Variants in CTCFL observed in about 807,000 individuals in gnomAD.
CTCFL encodes CCCTC-binding factor like.
In CTCFL, 36 loss-of-function variants were observed where a neutral mutation model predicts 67.4. The ratio of observed to expected loss-of-function variants is 0.53; its 90% CI spans 0.41 to 0.71. The LOEUF is 0.71. CTCFL is among the 30% of genes least tolerant of loss of function. The pLI, the probability that CTCFL is intolerant of heterozygous loss-of-function variation, is 0.00. For missense variants in CTCFL, 786 were observed against 835.2 expected (o/e 0.94, Z 0.73); for synonymous variants, 324 against 302.3 (o/e 1.07, Z -0.75).
chr20:57,524,084 T>C lies in CTCFL; in HGVS notation c.122A>G (p.His41Arg). The change falls in exon 2 of 11, where the codon CAT becomes CGT. Residue 41 changes from histidine to arginine, a missense_variant. By Grantham distance (29) the His-to-Arg change is conservative. This residue lies in a region of CTCFL where 333 missense variants were observed against 304.6 expected (regional missense o/e 1.09). Coordinates refer to ENST00000243914, the MANE Select transcript of CTCFL (RefSeq NM_001386993.1). ...GGCCTCCAACTCACTAGGGCTCCGA[T>C]GGTCTTTCTCTCTGCACACTCCGTC... ...EKDGVCREKD[H>R]RSPSELEAER... 6.2e-7 allele frequency: 1 copy of C among 1,613,728 alleles called. No homozygotes were observed. The highest frequency in any genetic ancestry group is 8.5e-7 in the Non-Finnish European group (1 of 1,179,984).
In CTCFL at chr20:57,508,640, T is replaced by C. The variant is rs771502445; in HGVS notation, c.1640A>G (p.Lys547Arg). The change falls in exon 9 of 11, where the codon AAA (lysine) becomes AGA (arginine). Residue 547 changes from lysine (K) to arginine (R), a missense_variant. Around this residue, in one of 3 missense-constraint regions of CTCFL, gnomAD observed 199 missense variants for 196.7 expected, o/e 1.01. Transcript: ENST00000243914. Reference protein sequence around the residue: ...HDANFIPTVYKCSKCGKGFSR... With the variant: ...HDANFIPTVYRCSKCGKGFSR... ...AAAGCCTTTGCCACACTTGGAGCAT[T>C]TGTAAACAGTCGGGATGAAATTTGC... The C allele has an allele frequency of 3.7e-6, 6 of 1,614,148 alleles. No homozygotes were observed. In the South Asian group the frequency reaches 4.4e-5, roughly 12 times the overall value.
intron 9 of CTCFL, 52 bp from the exon 10 acceptor site, chr20:57,503,653 C>A: frequency 6.3e-7 from 1 of 1,583,778 alleles, no homozygotes; most frequent in South Asian, 1.1e-5. Flanking sequence ...GGGGCAGGGA[C>A]CCCTCTCAGG....
At position 57,497,805 on chromosome 20, in the gene CTCFL, C is replaced by T. The variant is rs2067747041; in HGVS notation, c.*745G>A. 1.0e-6 allele frequency: 1 copy of T among 985,016 alleles called. No individual in the cohort carries two copies. Among genetic ancestry groups the T allele is most frequent in the South Asian group, 4.7e-5 (1 of 21,290 alleles). 61.0% of individuals were successfully genotyped at this position (985,016 alleles called of 1,614,324 possible). On this transcript the variant is annotated 3_prime_UTR_variant, in exon 11 of 11. Coordinates refer to ENST00000243914, the MANE Select transcript of CTCFL (RefSeq NM_001386993.1). Reference sequence around the variant, plus strand: ...ACTAATAAGCAATAATGGAATGTAACCAGGGCAATTTCATACCTGCCAAGG... The same window carrying T: ...ACTAATAAGCAATAATGGAATGTAATCAGGGCAATTTCATACCTGCCAAGG...
chr20:57,515,438 C>G (rs971886165), intron 6 of CTCFL: 4 of 387,336 alleles, frequency 1.0e-5, no homozygotes, highest in South Asian at 4.8e-5. Flanking sequence ...AGCCACCATG[C>G]CTGGCCAGGA....
chr20:57,513,148 A>G (rs1197394427), intron 7 of CTCFL: 12 of 640,414 alleles, frequency 1.9e-5, no homozygotes, highest in Non-Finnish European at 2.1e-5. Flanking sequence ...CATTGAACAA[A>G]GCACTTTGAG....
Position 57,498,018 on chromosome 20 carries a change from A to G in CTCFL, c.*532T>C. On this transcript the variant is annotated 3_prime_UTR_variant, in exon 11 of 11. Coordinates refer to ENST00000243914, the MANE Select transcript of CTCFL (RefSeq NM_001386993.1). ...ATTAAAAGCATTATGGTAGCTTTAA[A>G]TTTTGTAGAAAATTCATTTGTATAA... 6.6e-6 allele frequency: 6 copies of G among 909,872 alleles called. No homozygotes were observed. Among genetic ancestry groups the G allele is most frequent in the Non-Finnish European group, 7.9e-6 (6 of 761,186 alleles). 56.4% of individuals were successfully genotyped at this position (909,872 alleles called of 1,614,324 possible).
At chr20:57,511,148 C>G (rs2068524589) in intron 8 of CTCFL, among the ~76,000 whole-genome samples, 1 of 152,110 alleles carries the variant, frequency 6.6e-6, no homozygotes, top group Non-Finnish European at 1.5e-5. Flanking sequence ...CTTAAGTGAT[C>G]CTCCAACCTT....
At chr20:57,503,682 G>A (rs761214740) in intron 9 of CTCFL, 81 bp from the exon 10 acceptor site, 22 of 1,464,396 alleles carry the variant, frequency 1.5e-5, no homozygotes, top group East Asian at 4.6e-5. Context: ...GGGACCCCAC[G>A]CATGGAAAGA....
At chr20:57,507,961 G>C (rs530823247) in intron 9 of CTCFL, 3 of 655,804 alleles carry the variant, frequency 4.6e-6, no homozygotes, top group South Asian at 3.4e-5. Flanking sequence ...AGTTATTTTA[G>C]AGACAGGGTC....
At chr20:57,522,681 C>T (rs868369810) in intron 3 of CTCFL, among the ~76,000 whole-genome samples, 1 of 152,138 alleles carries the variant, frequency 6.6e-6, no homozygotes, top group Non-Finnish European at 1.5e-5. Context: ...TAGAAGGCAC[C>T]CTCTACGGCT....
In CTCFL at chr20:57,497,630, C is replaced by T. The variant is rs2067742577; in HGVS notation, c.*920G>A. On this transcript the variant is annotated 3_prime_UTR_variant, in exon 11 of 11. Transcript: ENST00000243914. ...CTTGTCAACTGGCAAAAGGGAAATACTCACTAATCACTGGGCATTATGAAA... is the reference window on the plus strand; with the variant it reads ...CTTGTCAACTGGCAAAAGGGAAATATTCACTAATCACTGGGCATTATGAAA... The T allele has an allele frequency of 4.1e-6, 4 of 985,198 alleles. No homozygotes were observed. In the African/African-American group the frequency reaches 5.2e-5, roughly 13 times the overall value. 61.0% of individuals were successfully genotyped at this position (985,198 alleles called of 1,614,324 possible).
At chr20:57,505,681 T>C (rs539502862) in intron 9 of CTCFL, among the ~76,000 whole-genome samples, 5 of 152,334 alleles carry the variant, frequency 3.3e-5, no homozygotes, top group African/African-American at 1.2e-4. Flanking sequence ...ACTTTTCTGT[T>C]AGCTACTCTC....
chr20:57,518,548 T>C (rs2069096480), intron 5 of CTCFL: 3 of 1,413,906 alleles, frequency 2.1e-6, no homozygotes, highest in Non-Finnish European at 1.9e-6. Context: ...TTACATATTA[T>C]TTTCACTAAT....
Position 57,497,710 on chromosome 20 carries a change from T to G in CTCFL, c.*840A>C. On this transcript the variant is annotated 3_prime_UTR_variant, in exon 11 of 11. Coordinates refer to ENST00000243914, the MANE Select transcript of CTCFL (RefSeq NM_001386993.1). ...GCCTTATCTGATTTTATGTTTCTTCTCACTCTGCCAATTATTTTACAAATA... is the reference window on the plus strand; with the variant it reads ...GCCTTATCTGATTTTATGTTTCTTCGCACTCTGCCAATTATTTTACAAATA... 1.0e-6 allele frequency: 1 copy of G among 985,340 alleles called. No homozygotes were observed. The highest frequency in any genetic ancestry group is 1.2e-6 in the Non-Finnish European group (1 of 829,822). The allele number at this position is 985,340 out of a possible 1,614,324, so 61.0% of individuals were successfully genotyped here.
chr20:57,519,033 T>C lies in CTCFL; in HGVS notation c.926-142A>G. 5 of 1,181,778 alleles carry C rather than the reference T, an allele frequency of 4.2e-6. No homozygotes were observed. In the South Asian group the frequency reaches 4.8e-5, roughly 11 times the overall value. 73.2% of individuals were successfully genotyped at this position (1,181,778 alleles called of 1,614,324 possible). A position where few individuals can be genotyped will look rare whatever the true frequency, so the allele number is the denominator to read the frequency against. Reference sequence around the variant, plus strand: ...CTCCTTAAACTATAAATACCACAGATGCATGTGAGAAAAATCTTTGTAACA... The same window carrying C: ...CTCCTTAAACTATAAATACCACAGACGCATGTGAGAAAAATCTTTGTAACA... On this transcript the variant is annotated intron_variant, in intron 4 of 10. Coordinates refer to ENST00000243914, the MANE Select transcript of CTCFL (RefSeq NM_001386993.1).
chr20:57,507,177 G>T, intron 9 of CTCFL: 3 of 421,254 alleles, frequency 7.1e-6, no homozygotes, highest in Non-Finnish European at 9.8e-6. Context: ...TTCATTTCTT[G>T]TGACTAGAAT....
intron 2 of CTCFL, 115 bp downstream of exon 2, chr20:57,523,548 G>C (rs1030944113): frequency 1.4e-6 from 2 of 1,392,704 alleles, no homozygotes; most frequent in Non-Finnish European, 1.9e-6. Flanking sequence ...GGAAGTATTT[G>C]TACTGTCTTT....
At chr20:57,507,861 ATAAC>A (rs767331045) in intron 9 of CTCFL, 5 of 703,048 alleles carry the variant, frequency 7.1e-6, no homozygotes, top group South Asian at 1.5e-5. Context: ...ACAGAAATAG[ATAAC>A]TAATACAACA....
chr20:57,497,911 T>C lies in CTCFL; in HGVS notation c.*639A>G, dbSNP rs191528832. 132 of 947,478 alleles carry C rather than the reference T, an allele frequency of 1.4e-4. No individual in the cohort carries two copies. The highest frequency in any genetic ancestry group is 1.4e-4 in the African/African-American group (8 of 56,442). The allele number at this position is 947,478 out of a possible 1,614,324, so 58.7% of individuals were successfully genotyped here. On this transcript the variant is annotated 3_prime_UTR_variant, in exon 11 of 11. Transcript: ENST00000243914. ...AGTAAAATCGATTTATTCCTTATTT[T>C]CTAGTCTAATCTAGTATTTCATTTC... is the stretch of plus-strand genomic sequence containing the variant.
Sources: gnomAD v4.1 joint callset for allele counts (sites outside exome capture counted in the v4.1 genomes callset) on GRCh38, gnomAD v4.1.1 for gene constraint, gnomAD v4.1.1 regional missense constraint, MANE v1.5 for transcripts, NCBI Gene and HGNC (gene_info 2026-07-23, HGNC 2026-07-21) for gene names.